The following CNTNAP5 variants were observed in gnomAD, a reference collection of about 807,000 sequenced individuals.
CNTNAP5 encodes the protein contactin associated protein family member 5.
In CNTNAP5, 72 loss-of-function variants were observed where a neutral mutation model predicts 150.2. That is an observed-to-expected ratio of 0.48 (90% CI 0.40 to 0.58). The LOEUF is 0.58. Ranked by LOEUF, CNTNAP5 falls within the 20% of genes least tolerant of loss-of-function variation. The probability of loss-of-function intolerance (pLI) is 0.00; values close to 1 mark genes in which losing one functional copy is unlikely to be tolerated. For synonymous variants in CNTNAP5, 672 were observed against 619.8 expected (o/e 1.08, Z -1.25); for missense variants, 1,636 against 1,626.2 (o/e 1.01, Z -0.10).
At chr2:124,390,280 A>G (rs1691077454) in intron 3 of CNTNAP5, among the ~76,000 whole-genome samples, 1 of 152,198 alleles carries the variant, frequency 6.6e-6, no homozygotes, top group Non-Finnish European at 1.5e-5. Flanking sequence ...TCTTCCGATT[A>G]ACTTCTCACC....
rs1687004984 is a variant in CNTNAP5 at position 124,245,731 on chromosome 2, A to T, written c.381+3338A>T. ...TATATATTTATATACACAAATATAT[A>T]CATATATATATATTTGGAGAAAGGG... On this transcript the variant is annotated intron_variant, in intron 3 of 23. Coordinates refer to ENST00000682447, the MANE Select transcript of CNTNAP5 (RefSeq NM_001367498.1). Among the ~76,000 whole-genome samples, 3 of 151,132 alleles carry T rather than the reference A, an allele frequency of 2.0e-5. No individual in the cohort carries two copies. In the South Asian group the frequency reaches 6.2e-4, roughly 31 times the overall value.
intron 1 of CNTNAP5, among the ~76,000 whole-genome samples, chr2:124,060,273 G>C (rs1029985261): frequency 6.6e-6 from 1 of 152,336 alleles, no homozygotes; most frequent in African/African-American, 2.4e-5. Flanking sequence ...AGGCTAGGCA[G>C]TTCTCAATAA....
chr2:124,220,621 A>G (rs1466297827), intron 1 of CNTNAP5, among the ~76,000 whole-genome samples: 1 of 152,166 alleles, frequency 6.6e-6, no homozygotes, highest in Non-Finnish European at 1.5e-5. Context: ...ACAGAAATTT[A>G]TTGGTTTACA....
chr2:124,863,919 T>C (rs537874855), intron 19 of CNTNAP5, among the ~76,000 whole-genome samples: 1 of 152,334 alleles, frequency 6.6e-6, no homozygotes, highest in South Asian at 2.1e-4. Context: ...GCCATCAGCT[T>C]ATGACATCGC....
At chr2:124,030,391 G>T (rs1448021872) in intron 1 of CNTNAP5, among the ~76,000 whole-genome samples, 2 of 152,000 alleles carry the variant, frequency 1.3e-5, no homozygotes, top group Non-Finnish European at 2.9e-5. Flanking sequence ...CATATTCAAG[G>T]TTAGTAGAAG....
chr2:124,848,771 G>T (rs1196866468), intron 19 of CNTNAP5, among the ~76,000 whole-genome samples: 1 of 152,116 alleles, frequency 6.6e-6, no homozygotes, highest in Non-Finnish European at 1.5e-5. Context: ...GCACCATTTT[G>T]TAGATCTGTT....
intron 1 of CNTNAP5, among the ~76,000 whole-genome samples, chr2:124,153,905 G>A (rs1316784316): frequency 2.0e-5 from 3 of 151,974 alleles, no homozygotes; most frequent in South Asian, 2.1e-4. Context: ...GAGCCACTAA[G>A]CCGGGCCCTG....
At chr2:124,854,567 A>G (rs1231144508) in intron 19 of CNTNAP5, among the ~76,000 whole-genome samples, 1 of 152,196 alleles carries the variant, frequency 6.6e-6, no homozygotes, top group East Asian at 1.9e-4. Context: ...CATTATAGCC[A>G]TTTGTTTCTC....
intron 21 of CNTNAP5, among the ~76,000 whole-genome samples, chr2:124,886,675 T>C (rs190624146): frequency 6.6e-6 from 1 of 152,188 alleles, no homozygotes. Flanking sequence ...AGCTTGATGA[T>C]ATTTACAGTT....
intron 14 of CNTNAP5, among the ~76,000 whole-genome samples, chr2:124,753,981 C>T (rs572722556): frequency 5.4e-4 from 82 of 152,194 alleles, no homozygotes; most frequent in Non-Finnish European, 9.1e-4. Context: ...CAGGACATTG[C>T]CCTCCCCAAG....
At chr2:124,418,924 G>A (rs925980035) in intron 4 of CNTNAP5, among the ~76,000 whole-genome samples, 2 of 151,036 alleles carry the variant, frequency 1.3e-5, no homozygotes, top group East Asian at 2.0e-4. Context: ...CACGAGGTCA[G>A]GAGATCGAGA....
At chr2:124,782,665 G>GA (rs936009343) in intron 17 of CNTNAP5, among the ~76,000 whole-genome samples, 5 of 151,176 alleles carry the variant, frequency 3.3e-5, no homozygotes, top group East Asian at 1.9e-4. Context: ...AACTTTAAAA[G>GA]AAAAAAAAGC....
chr2:124,483,523 T>G (rs1469512224), intron 7 of CNTNAP5, among the ~76,000 whole-genome samples: 1 of 152,184 alleles, frequency 6.6e-6, no homozygotes, highest in African/African-American at 2.4e-5. Context: ...GCTACTGTAA[T>G]CTGTAAGCAG....
intron 13 of CNTNAP5, among the ~76,000 whole-genome samples, chr2:124,672,754 A>G (rs1278811304): frequency 1.3e-5 from 2 of 152,240 alleles, no homozygotes; most frequent in African/African-American, 2.4e-5. Context: ...AATATGTTCA[A>G]TAAGTTGGTG....
intron 21 of CNTNAP5, among the ~76,000 whole-genome samples, chr2:124,894,997 C>T (rs1243529207): frequency 6.6e-6 from 1 of 151,452 alleles, no homozygotes; most frequent in African/African-American, 2.4e-5. Flanking sequence ...TTACATCCAT[C>T]CAGGGGCCTT....
chr2:124,663,465 A>G (rs4848963), intron 13 of CNTNAP5, among the ~76,000 whole-genome samples: 37,821 of 152,144 alleles, frequency 0.25, 4,950 homozygotes, highest in African/African-American at 0.33. Context: ...AAAATCAGAA[A>G]CAAAGTTGCC....
chr2:124,032,421 G>C (rs1454764464), intron 1 of CNTNAP5, among the ~76,000 whole-genome samples: 1 of 151,770 alleles, frequency 6.6e-6, no homozygotes, highest in Admixed American at 6.6e-5. Context: ...AGATTTTTTT[G>C]CTTTAAAAAA....
chr2:124,867,970 T>C (rs1045789838), intron 20 of CNTNAP5, among the ~76,000 whole-genome samples: 1 of 152,208 alleles, frequency 6.6e-6, no homozygotes, highest in African/African-American at 2.4e-5. Flanking sequence ...GGCAGCTTCA[T>C]TTTTCAAGTC....
chr2:124,205,806 C>T lies in CNTNAP5; in HGVS notation c.83-15899C>T, dbSNP rs60281142. Among the ~76,000 whole-genome samples the T allele has an allele frequency of 4.8e-3, 731 of 152,280 alleles. 6 individuals are homozygous for T. Among genetic ancestry groups the T allele is most frequent in the African/African-American group, 0.017 (710 of 41,550 alleles). ...TCTCTTTTTTCCTCTGTGTGTTTTG[C>T]TGCCTCCTTTTTTTCTCAGCCTGCG... On this transcript the variant is annotated intron_variant, in intron 1 of 23. Coordinates refer to ENST00000682447, the MANE Select transcript of CNTNAP5 (RefSeq NM_001367498.1).
Sources: gnomAD v4.1 joint callset for allele counts (sites outside exome capture counted in the v4.1 genomes callset) on GRCh38, gnomAD v4.1.1 for gene constraint, MANE v1.5 for transcripts, NCBI Gene and HGNC (gene_info 2026-07-23, HGNC 2026-07-21) for gene names.